RET: variants seen among roughly 807,000 people sequenced by gnomAD.
The protein encoded by RET is ret proto-oncogene.
A neutral mutation model predicts 118.3 loss-of-function variants in RET; 19 were observed. That is an observed-to-expected ratio of 0.16 (90% CI 0.11 to 0.24). The LOEUF is 0.24. RET is among the 10% of genes least tolerant of loss of function. The pLI, the probability that RET is intolerant of heterozygous loss-of-function variation, is 1.00. For missense variants in RET, 1,219 were observed against 1,502.1 expected (o/e 0.81, Z 3.12); for synonymous variants, 597 against 644.1 (o/e 0.93, Z 1.11).
intron 16 of RET, 85 bp downstream of exon 16, chr10:43,122,101 G>T (rs1382863377): frequency 1.8e-6 from 2 of 1,087,492 alleles, no homozygotes; most frequent in South Asian, 1.2e-5. Flanking sequence ...CGTCTGTGCA[G>T]CTTGGCCAGG....
intron 1 of RET, among the ~76,000 whole-genome samples, chr10:43,098,866 T>C (rs183254748): frequency 1.3e-5 from 2 of 152,334 alleles, no homozygotes; most frequent in Admixed American, 1.3e-4. Context: ...GGTGTGTAAA[T>C]ATCTATTTGA....
At chr10:43,109,500 A>G (rs774523210) in intron 6 of RET, among the ~76,000 whole-genome samples, 2 of 152,164 alleles carry the variant, frequency 1.3e-5, no homozygotes, top group South Asian at 2.1e-4. Flanking sequence ...TGCAAGAGCA[A>G]TACTGGGTAA....
intron 1 of RET, among the ~76,000 whole-genome samples, chr10:43,085,495 G>A (rs1184478664): frequency 1.3e-5 from 2 of 152,208 alleles, no homozygotes; most frequent in Non-Finnish European, 2.9e-5. Context: ...CTAGGCCAGA[G>A]CCTGTCCTGA....
At position 43,118,233 on chromosome 10, in the gene RET, G is replaced by T. The variant is rs991649957; in HGVS notation, c.2285-140G>T. 17 of 725,702 alleles carry T rather than the reference G, an allele frequency of 2.3e-5. No homozygotes were observed. In the Admixed American group the frequency reaches 3.5e-4, roughly 15 times the overall value. 45.0% of individuals were successfully genotyped at this position (725,702 alleles called of 1,614,324 possible). On this transcript the variant is annotated intron_variant, in intron 12 of 19. Coordinates refer to ENST00000355710, the MANE Select transcript of RET (RefSeq NM_020975.6). Reference sequence around the variant, plus strand: ...TGTCCACTGATCCCAAAGGCTGGGAGAAGCCTCAAGCAGCATCGTCTTTGC... The same window carrying T: ...TGTCCACTGATCCCAAAGGCTGGGATAAGCCTCAAGCAGCATCGTCTTTGC...
intron 3 of RET, 90 bp from the exon 4 acceptor site, chr10:43,104,862 G>A (rs1837723152): frequency 2.0e-6 from 3 of 1,507,844 alleles, no homozygotes; most frequent in Admixed American, 2.1e-5. Flanking sequence ...TGTGCGCCCC[G>A]CTCTGACCGC....
chr10:43,094,456 T>C (rs192329122), intron 1 of RET, among the ~76,000 whole-genome samples: 1 of 152,328 alleles, frequency 6.6e-6, no homozygotes, highest in East Asian at 1.9e-4. Flanking sequence ...ATCGTTGTTA[T>C]TGTTTTCTTT....
intron 1 of RET, among the ~76,000 whole-genome samples, chr10:43,079,934 C>T (rs1477708162): frequency 6.6e-6 from 1 of 152,202 alleles, no homozygotes; most frequent in East Asian, 1.9e-4. Context: ...GCTTCCTCCT[C>T]CACTCCAGCT....
In RET at chr10:43,124,897, T is replaced by A; in HGVS notation, c.2954T>A (p.Leu985Gln). The A allele has an allele frequency of 6.2e-7, 1 of 1,614,116 alleles. No homozygotes were observed. The highest frequency in any genetic ancestry group is 8.5e-7 in the Non-Finnish European group (1 of 1,180,046). ...NCSEEMYRLM[L>Q]QCWKQEPDKR... is the part of the protein sequence containing the mutation. The stretch of plus-strand genomic sequence containing the variant: ...CTTCCCACCAGGTACCGCCTGATGC[T>A]GCAATGCTGGAAGCAGGAGCCGGAC... The change falls in exon 18 of 20, where the codon CTG becomes CAG. Residue 985 changes from leucine (L) to glutamine (Q), a missense_variant. By Grantham distance (113) the Leu-to-Gln change is moderately radical (BLOSUM62 -2). Coordinates refer to ENST00000355710, the MANE Select transcript of RET (RefSeq NM_020975.6).
intron 6 of RET, among the ~76,000 whole-genome samples, chr10:43,109,705 T>C (rs1036448993): frequency 2.8e-4 from 42 of 152,206 alleles, no homozygotes; most frequent in African/African-American, 9.9e-4. Flanking sequence ...CTTTTTACTT[T>C]TTGTAACTAG....
rs368058918 is a variant in RET, at chr10:43,092,836, G to A, written c.74-7623G>A. Among the ~76,000 whole-genome samples the A allele has an allele frequency of 2.2e-3, 328 of 152,368 alleles. 2 individuals are homozygous for A. Among genetic ancestry groups the A allele is most frequent in the African/African-American group, 7.2e-3 (298 of 41,588 alleles). The stretch of plus-strand genomic sequence containing the variant: ...GCTGGTGCACTAGTGGGCACTGCAC[G>A]TGTGCACAGGGCGCATCCACACAGC... On this transcript the variant is annotated intron_variant, in intron 1 of 19. Transcript: ENST00000355710.
intron 3 of RET, 179 bp from the exon 4 acceptor site, chr10:43,104,773 C>G: frequency 1.1e-6 from 1 of 913,750 alleles, no homozygotes; most frequent in Non-Finnish European, 1.6e-6. Context: ...GCACAGTCAT[C>G]GCTGCAAACT....
At position 43,104,933 on chromosome 10, in the gene RET, C is replaced by CTG; in HGVS notation, c.626-17_626-16dup. ...CCCGGCTGGTGATCACGCGGGGCCCCTGTCTGCTTGGTGCGCAGGTGAGGG... is the reference window on the plus strand; with the variant it reads ...CCCGGCTGGTGATCACGCGGGGCCCCTGTGTCTGCTTGGTGCGCAGGTGAGGG... On this transcript the variant is annotated intron_variant, in intron 3 of 19. Coordinates refer to ENST00000355710, the MANE Select transcript of RET (RefSeq NM_020975.6). The CTG allele has an allele frequency of 6.4e-7, 1 of 1,552,600 alleles. No individual in the cohort carries two copies. Among genetic ancestry groups the CTG allele is most frequent in the South Asian group, 1.2e-5 (1 of 85,346 alleles).
At chr10:43,090,404 A>G (rs1837386150) in intron 1 of RET, among the ~76,000 whole-genome samples, 1 of 152,136 alleles carries the variant, frequency 6.6e-6, no homozygotes. Flanking sequence ...GGCAAAGGGA[A>G]GGGCTCTGTG....
intron 6 of RET, among the ~76,000 whole-genome samples, chr10:43,109,927 G>A (rs114411041): frequency 2.5e-3 from 381 of 152,306 alleles, no homozygotes; most frequent in African/African-American, 8.6e-3. Context: ...ACTGCAGCAC[G>A]CATGTTCTCG....
chr10:43,103,229 T>TGGAG (rs1168206634), intron 3 of RET, among the ~76,000 whole-genome samples: 3 of 152,026 alleles, frequency 2.0e-5, no homozygotes, highest in Admixed American at 6.6e-5. Context: ...TGGAAGACTT[T>TGGAG]GGAGGGAGGG....
intron 17 of RET, 56 bp from the exon 18 acceptor site, chr10:43,124,827 C>T: frequency 3.2e-6 from 5 of 1,562,834 alleles, no homozygotes; most frequent in Non-Finnish European, 3.5e-6. Flanking sequence ...GGTGGGCTGT[C>T]CTTCTGAGAC....
At chr10:43,094,280 G>A (rs1220917178) in intron 1 of RET, among the ~76,000 whole-genome samples, 1 of 152,030 alleles carries the variant, frequency 6.6e-6, no homozygotes, top group South Asian at 2.1e-4. Context: ...TTAGGAAATC[G>A]TCTCTTAAGG....
chr10:43,109,018 C>T lies in RET; in HGVS notation c.1064-13C>T. On this transcript the variant is annotated splice_polypyrimidine_tract_variant and intron_variant, in intron 5 of 19. Transcript: ENST00000355710. ...GAGCAGCTTGGTGGTCATTGTTGTG[C>T]CCCTACCTGCAGGGCTGGTTCTCAA... 6.2e-7 allele frequency: 1 copy of T among 1,610,686 alleles called. No individual in the cohort carries two copies. Among genetic ancestry groups the T allele is most frequent in the Non-Finnish European group, 8.5e-7 (1 of 1,179,820 alleles).
chr10:43,090,232 G>A (rs563011459), intron 1 of RET, among the ~76,000 whole-genome samples: 1 of 152,350 alleles, frequency 6.6e-6, no homozygotes, highest in East Asian at 1.9e-4. Flanking sequence ...TGAGTCAGAG[G>A]TGATGAGAGC....
Sources: allele counts gnomAD v4.1 joint callset (sites outside exome capture counted in the v4.1 genomes callset), GRCh38; gene constraint gnomAD v4.1.1; transcripts MANE v1.5; gene names NCBI Gene and HGNC (gene_info 2026-07-23, HGNC 2026-07-21).